Variants in ZNF423 observed in about 807,000 individuals in gnomAD.
ZNF423 encodes Ebf-associated zinc finger protein.
In ZNF423, 12 loss-of-function variants were observed where a neutral mutation model predicts 95.8. The observed-to-expected ratio is 0.13, with a 90% CI of 0.08 to 0.20. The LOEUF is 0.20. Among genes scored for constraint, ZNF423 ranks in the 10% least tolerant of loss-of-function variants. The probability of loss-of-function intolerance (pLI) is 1.00; values close to 1 mark genes in which losing one functional copy is unlikely to be tolerated. For synonymous variants in ZNF423, 749 were observed against 711.9 expected (o/e 1.05, Z -0.83); for missense variants, 1,316 against 1,737.1 (o/e 0.76, Z 4.31).
chr16:49,586,472 T>A (rs972536532), intron 5 of ZNF423, among the ~76,000 whole-genome samples: 1 of 152,230 alleles, frequency 6.6e-6, no homozygotes, highest in Non-Finnish European at 1.5e-5. Context: ...TTGCTAATAG[T>A]TATGCAAGGC....
chr16:49,636,610 T>C lies in ZNF423; in HGVS notation c.2566A>G (p.Met856Val), dbSNP rs372506673. 3.0e-5 allele frequency: 48 copies of C among 1,613,738 alleles called. No homozygotes were observed. In the East Asian group the frequency reaches 4.9e-4, roughly 16 times the overall value. Residue 856 changes from methionine (M) to valine (V), a missense_variant, in exon 4 of 8, where the codon ATG (methionine) becomes GTG (valine). Transcript: ENST00000563137. The surrounding 1 kb of genome is among the most constrained non-coding windows in gnomAD (Gnocchi z 8.6). The stretch of plus-strand genomic sequence containing the variant: ...GCAGGCTCAGCTTTCTTGGTGGCCA[T>C]TGGGGGTACCCCATTGGCCGTGCCG... Reference protein sequence around the residue: ...ENGTANGVPPMATKKAEPADL... With the variant: ...ENGTANGVPPVATKKAEPADL...
intron 5 of ZNF423, among the ~76,000 whole-genome samples, chr16:49,591,521 C>A (rs1468505372): frequency 1.3e-5 from 2 of 151,578 alleles, no homozygotes; most frequent in African/African-American, 4.9e-5. Flanking sequence ...CAACTAAACA[C>A]AAGTGTGCAA....
chr16:49,624,934 G>T (rs1455273142), intron 5 of ZNF423, among the ~76,000 whole-genome samples: 1 of 152,220 alleles, frequency 6.6e-6, no homozygotes, highest in Admixed American at 6.5e-5. Context: ...ACACAAGTGT[G>T]TTTAGTTCAT....
chr16:49,569,895 T>C (rs1231009406), intron 5 of ZNF423, among the ~76,000 whole-genome samples: 4 of 152,202 alleles, frequency 2.6e-5, no homozygotes, highest in Non-Finnish European at 5.9e-5. Flanking sequence ...TAATTAGTGA[T>C]ATCCCATTTT....
intron 2 of ZNF423, among the ~76,000 whole-genome samples, chr16:49,753,478 C>T (rs1467541970): frequency 6.6e-6 from 1 of 151,140 alleles, no homozygotes; most frequent in African/African-American, 2.4e-5. Flanking sequence ...TGATGTGCAC[C>T]TGTAGTCCCA....
intron 1 of ZNF423, among the ~76,000 whole-genome samples, chr16:49,790,312 G>A (rs1362730059): frequency 2.0e-5 from 3 of 152,350 alleles, no homozygotes; most frequent in East Asian, 1.9e-4. Flanking sequence ...AAGCCACCAT[G>A]AACCACCCAG....
At chr16:49,843,835 A>AC (rs1285275043) in intron 1 of ZNF423, among the ~76,000 whole-genome samples, 1 of 142,918 alleles carries the variant, frequency 7.0e-6, no homozygotes. Context: ...AGGGCAGACC[A>AC]CCCCCCCTCC....
intron 5 of ZNF423, among the ~76,000 whole-genome samples, chr16:49,602,987 G>A (rs1370128680): frequency 6.6e-6 from 1 of 152,230 alleles, no homozygotes; most frequent in Non-Finnish European, 1.5e-5. Flanking sequence ...CGCCCGCGTG[G>A]AGCCCTGGCA....
chr16:49,737,616 C>T lies in ZNF423; in HGVS notation c.101-6645G>A, dbSNP rs114205157. Among the ~76,000 whole-genome samples the T allele has an allele frequency of 7.6e-3, 1,154 of 152,344 alleles. 20 individuals are homozygous for T. Among genetic ancestry groups the T allele is most frequent in the African/African-American group, 0.026 (1,100 of 41,590 alleles). ...CAGAAAGGGAATGCCTGCAAAATCA[C>T]GGGGCAGGGGACAGCTGGCTGGGTC... On this transcript the variant is annotated intron_variant, in intron 2 of 7. Coordinates refer to ENST00000563137, the MANE Select transcript of ZNF423 (RefSeq NM_001379286.1).
intron 3 of ZNF423, among the ~76,000 whole-genome samples, chr16:49,671,438 A>G (rs889894560): frequency 2.0e-5 from 3 of 152,214 alleles, no homozygotes; most frequent in African/African-American, 7.2e-5. Context: ...CACCCGCTAC[A>G]GGGTGTCCCA....
chr16:49,600,978 T>C (rs1971352878), intron 5 of ZNF423, among the ~76,000 whole-genome samples: 1 of 152,054 alleles, frequency 6.6e-6, no homozygotes, highest in Admixed American at 6.5e-5. Context: ...TCTGATATGA[T>C]GTTTATAAAG....
At chr16:49,627,633 C>T (rs1012268111) in intron 4 of ZNF423, among the ~76,000 whole-genome samples, 9 of 148,654 alleles carry the variant, frequency 6.1e-5, no homozygotes, top group Admixed American at 4.0e-4. Context: ...TCCATCTACC[C>T]GTCCGTCTCC....
intron 1 of ZNF423, among the ~76,000 whole-genome samples, chr16:49,819,127 C>T (rs1240471867): frequency 6.6e-6 from 1 of 151,028 alleles, no homozygotes; most frequent in African/African-American, 2.4e-5. Context: ...GTAGTGGGTG[C>T]CTGTAGTCCT....
chr16:49,641,516 G>C (rs1972975525), intron 3 of ZNF423, among the ~76,000 whole-genome samples: 1 of 152,134 alleles, frequency 6.6e-6, no homozygotes, highest in Non-Finnish European at 1.5e-5. Flanking sequence ...CTCAACAACT[G>C]GGCAGGTGAA....
At chr16:49,798,239 G>T (rs1398832081) in intron 1 of ZNF423, among the ~76,000 whole-genome samples, 1 of 152,140 alleles carries the variant, frequency 6.6e-6, no homozygotes, top group Non-Finnish European at 1.5e-5. Context: ...CAGGTGCAGA[G>T]GCTCATGCCT....
intron 1 of ZNF423, among the ~76,000 whole-genome samples, chr16:49,838,153 G>A (rs1192628237): frequency 1.3e-5 from 2 of 152,238 alleles, no homozygotes; most frequent in Non-Finnish European, 2.9e-5. Flanking sequence ...ATCTTCATCT[G>A]TAATTTACTG....
intron 3 of ZNF423, among the ~76,000 whole-genome samples, chr16:49,667,329 G>C: frequency 6.6e-6 from 1 of 152,192 alleles, no homozygotes; most frequent in East Asian, 1.9e-4. Context: ...AGTGGGTCGG[G>C]GCACAGCCAG....
chr16:49,639,007 G>C, intron 3 of ZNF423, 133 bp from the exon 4 acceptor site: 1 of 1,439,410 alleles, frequency 6.9e-7, no homozygotes, highest in South Asian at 1.5e-5. Context: ...GCTGTGGGGA[G>C]GGGCAGGGGC....
intron 7 of ZNF423, among the ~76,000 whole-genome samples, chr16:49,496,545 T>C (rs924783114): frequency 2.0e-5 from 3 of 152,192 alleles, no homozygotes; most frequent in Non-Finnish European, 4.4e-5. Context: ...CAGAAACAGA[T>C]GGTGGCGCCT....
Sources: allele counts gnomAD v4.1 joint callset (sites outside exome capture counted in the v4.1 genomes callset), GRCh38; gene constraint gnomAD v4.1.1; non-coding constraint Gnocchi (gnomAD v3.1); transcripts MANE v1.5; gene names NCBI Gene and HGNC (gene_info 2026-07-23, HGNC 2026-07-21).